Variants in ANXA10 observed in about 807,000 individuals in gnomAD.
The protein encoded by ANXA10 is annexin A10.
In ANXA10, 49 loss-of-function variants were observed where a neutral mutation model predicts 53.5. The ratio of observed to expected loss-of-function variants is 0.92; its 90% CI spans 0.73 to 1.16. ANXA10 has a LOEUF of 1.16. ANXA10 is among the 50% of genes most tolerant of loss of function. The pLI is 0.00. For synonymous variants in ANXA10, 131 were observed against 128.9 expected (o/e 1.02, Z -0.11); for missense variants, 393 against 394.4 (o/e 1.00, Z 0.03).
intron 3 of ANXA10, among the ~76,000 whole-genome samples, chr4:168,142,637 C>T (rs1001867824): frequency 2.0e-5 from 3 of 152,200 alleles, no homozygotes; most frequent in African/African-American, 7.2e-5. Context: ...GCTTTGAAAG[C>T]TGGGATGATT....
intron 4 of ANXA10, among the ~76,000 whole-genome samples, chr4:168,163,992 T>C (rs1472722159): frequency 6.6e-6 from 1 of 152,190 alleles, no homozygotes; most frequent in Non-Finnish European, 1.5e-5. Flanking sequence ...AACAGTTTCC[T>C]TCAGATAATA....
At chr4:168,148,224 G>A (rs1731436118) in intron 3 of ANXA10, among the ~76,000 whole-genome samples, 1 of 150,814 alleles carries the variant, frequency 6.6e-6, no homozygotes, top group Admixed American at 6.6e-5. Flanking sequence ...CTGGAGTGCA[G>A]TGGCATGATC....
chr4:168,136,715 A>G (rs1299357790), intron 2 of ANXA10, among the ~76,000 whole-genome samples: 1 of 152,170 alleles, frequency 6.6e-6, no homozygotes, highest in East Asian at 1.9e-4. Context: ...TTCCAGGTGC[A>G]TGGTGCAAGA....
chr4:168,138,052 C>G (rs979176479), intron 2 of ANXA10, among the ~76,000 whole-genome samples: 4 of 151,564 alleles, frequency 2.6e-5, no homozygotes, highest in Non-Finnish European at 4.4e-5. Context: ...ACTTCCACCT[C>G]CCAGGTTCAA....
chr4:168,180,123 T>C (rs1235656869), intron 9 of ANXA10, among the ~76,000 whole-genome samples: 1 of 152,126 alleles, frequency 6.6e-6, no homozygotes, highest in Non-Finnish European at 1.5e-5. Context: ...TTTTTGTAGC[T>C]TATCTAGTAA....
In ANXA10 at chr4:168,163,041, A is replaced by C. The variant is rs1222733157; in HGVS notation, c.309+400A>C. On this transcript the variant is annotated intron_variant, in intron 4 of 11. Transcript: ENST00000359299. ...TATTTGTAAAAATTTGATTAAGTCA[A>C]AAGAAGATATTGAATCAGGGACAAT... Among the ~76,000 whole-genome samples the C allele has an allele frequency of 2.0e-5, 3 of 152,246 alleles. No individual in the cohort carries two copies. The East Asian group carries it at 5.8e-4, about 29-fold the overall frequency.
chr4:168,183,925 A>G (rs571744100), intron 10 of ANXA10, among the ~76,000 whole-genome samples: 1 of 152,306 alleles, frequency 6.6e-6, no homozygotes, highest in South Asian at 2.1e-4. Flanking sequence ...TCTGTTTGGA[A>G]AGACAATTTG....
At chr4:168,183,793 A>G (rs937215836) in intron 10 of ANXA10, among the ~76,000 whole-genome samples, 1 of 152,208 alleles carries the variant, frequency 6.6e-6, no homozygotes, top group Non-Finnish European at 1.5e-5. Context: ...TTAAGTTTGA[A>G]TACTTGTTAG....
At chr4:168,160,831 A>G (rs1731769976) in intron 3 of ANXA10, among the ~76,000 whole-genome samples, 1 of 152,024 alleles carries the variant, frequency 6.6e-6, no homozygotes, top group Non-Finnish European at 1.5e-5. Flanking sequence ...GCTTCTTTCC[A>G]TGTGTTTGTT....
intron 1 of ANXA10, among the ~76,000 whole-genome samples, chr4:168,116,566 A>AC (rs1730896648): frequency 6.6e-6 from 1 of 151,630 alleles, no homozygotes; most frequent in Non-Finnish European, 1.5e-5. Flanking sequence ...GATCTCCCCC[A>AC]CCCCCCAAAA....
intron 3 of ANXA10, among the ~76,000 whole-genome samples, chr4:168,155,620 A>G (rs1483441304): frequency 1.4e-5 from 1 of 71,226 alleles, no homozygotes; most frequent in Non-Finnish European, 2.4e-5. Flanking sequence ...ATTATATATT[A>G]TAAATATATA....
intron 1 of ANXA10, among the ~76,000 whole-genome samples, chr4:168,099,437 C>T (rs1730605627): frequency 6.6e-6 from 1 of 152,046 alleles, no homozygotes; most frequent in Non-Finnish European, 1.5e-5. Context: ...ATCAAGAGGG[C>T]AACTCACATA....
rs34260585 is a variant in ANXA10, at chr4:168,117,935, ACTCCCTCC to A, written c.19-10141_19-10134del. 1.5e-3 allele frequency among the ~76,000 whole-genome samples: 226 copies of A among 146,478 alleles called. 2 individuals carry two copies. Among genetic ancestry groups the A allele is most frequent in the South Asian group, 0.013 (60 of 4,584 alleles). On this transcript the variant is annotated intron_variant, in intron 1 of 11. Transcript: ENST00000359299. ...CACTCACTCACTCACTCACTCACTC[ACTCCCTCC>A]CTCCCTCACACTGGGACCATGGGGA...
At chr4:168,183,009 GA>G (rs747151480) in intron 10 of ANXA10, among the ~76,000 whole-genome samples, 2,096 of 93,278 alleles carry the variant, frequency 0.022, 25 homozygotes, top group African/African-American at 0.066. Flanking sequence ...CACCGTCTCG[GA>G]AAAAAAAAAA....
intron 1 of ANXA10, among the ~76,000 whole-genome samples, chr4:168,101,167 A>G (rs1315476145): frequency 6.6e-6 from 1 of 151,852 alleles, no homozygotes; most frequent in Admixed American, 6.6e-5. Flanking sequence ...TGGTTGCTTA[A>G]AAGTGTGTAG....
chr4:168,163,446 T>C (rs1731819373), intron 4 of ANXA10, among the ~76,000 whole-genome samples: 1 of 152,166 alleles, frequency 6.6e-6, no homozygotes, highest in Admixed American at 6.5e-5. Flanking sequence ...CATTTACTGA[T>C]CCAAATAGGC....
chr4:168,131,412 C>T (rs1314398926), intron 2 of ANXA10, among the ~76,000 whole-genome samples: 5 of 152,028 alleles, frequency 3.3e-5, no homozygotes, highest in Non-Finnish European at 4.4e-5. Context: ...TTGGTTAATG[C>T]TCCATGTAAC....
In ANXA10 at chr4:168,101,885, A is replaced by G. The variant is rs1182396367; in HGVS notation, c.18+9167A>G. The stretch of plus-strand genomic sequence containing the variant: ...ACATCTATCTACCATCTATCTTCAT[A>G]CTAATACCTCCAATCTAATCAACAA... On this transcript the variant is annotated intron_variant, in intron 1 of 11. Coordinates refer to ENST00000359299, the MANE Select transcript of ANXA10 (RefSeq NM_007193.5). 2.6e-5 allele frequency among the ~76,000 whole-genome samples: 4 copies of G among 152,062 alleles called. No homozygotes were observed. In the East Asian group the frequency reaches 7.7e-4, roughly 29 times the overall value.
intron 3 of ANXA10, among the ~76,000 whole-genome samples, chr4:168,148,445 A>G (rs2319711): frequency 0.21 from 31,367 of 152,136 alleles, 3,479 homozygotes; most frequent in African/African-American, 0.25. Flanking sequence ...GATTACAGGC[A>G]TGAGCCACCG....
Sources: allele counts gnomAD v4.1 joint callset (sites outside exome capture counted in the v4.1 genomes callset), GRCh38; gene constraint gnomAD v4.1.1; transcripts MANE v1.5; gene names NCBI Gene and HGNC (gene_info 2026-07-23, HGNC 2026-07-21).